KMT2C: variants seen among roughly 807,000 people sequenced by gnomAD.
KMT2C encodes histone-lysine N-methyltransferase 2C.
A neutral mutation model predicts 507.9 loss-of-function variants in KMT2C; 88 were observed. The observed-to-expected ratio is 0.17, with a 90% confidence interval of 0.15 to 0.21. The LOEUF is 0.21. Ranked by LOEUF, KMT2C falls within the 10% of genes least tolerant of loss-of-function variation. The pLI is 1.00. For missense variants in KMT2C, 4,954 were observed against 5,957.8 expected, an observed-to-expected ratio of 0.83 and a Z score of 5.55; for synonymous variants, 2,049 against 2,080.8, an observed-to-expected ratio of 0.98 and a Z score of 0.42.
At chr7:152,271,956 TG>T (rs1298515959) in intron 7 of KMT2C, among the ~76,000 whole-genome samples, 1 of 152,046 alleles carries the variant, frequency 6.6e-6, no homozygotes, top group Non-Finnish European at 1.5e-5. Flanking sequence ...TGAAAAGGTA[TG>T]GGGCCAAATT....
Position 152,182,501 on chromosome 7 carries a change from G to C in KMT2C, c.5359C>G (p.Gln1787Glu), listed in dbSNP as rs113759067. The C allele has an allele frequency of 6.2e-7, 1 of 1,613,932 alleles. No homozygotes were observed. The highest frequency in any genetic ancestry group is 8.5e-7 in the Non-Finnish European group (1 of 1,179,874). The change falls in exon 36 of 59, where the codon CAA (glutamine) becomes GAA (glutamate). Residue 1787 changes from glutamine (Q) to glutamate (E), a missense_variant. Coordinates refer to ENST00000262189, the MANE Select transcript of KMT2C (RefSeq NM_170606.3). The part of the protein sequence containing the change: ...KNEQQQQQQQ[Q>E]FGSQHLLVQS... ...ACCAGAAGATGCTGAGAACCAAATT[G>C]CTGTTGTTGCTGCTGCTGCTGCTCA...
intron 1 of KMT2C, among the ~76,000 whole-genome samples, chr7:152,371,762 T>G (rs1423864323): frequency 6.6e-6 from 1 of 151,910 alleles, no homozygotes; most frequent in Non-Finnish European, 1.5e-5. Context: ...TACAGACACA[T>G]GCCACCACAC....
intron 1 of KMT2C, among the ~76,000 whole-genome samples, chr7:152,375,054 T>C (rs2097317948): frequency 6.6e-6 from 1 of 152,230 alleles, no homozygotes; most frequent in African/African-American, 2.4e-5. Context: ...AGTTGTTTGT[T>C]TGTTTGGGGA....
chr7:152,322,462 A>C (rs771064411), intron 3 of KMT2C, among the ~76,000 whole-genome samples: 1 of 152,104 alleles, frequency 6.6e-6, no homozygotes, highest in Non-Finnish European at 1.5e-5. Flanking sequence ...CAATGGGTAA[A>C]GAACTGTCTC....
At position 152,330,633 on chromosome 7, in the gene KMT2C, G is replaced by A; in HGVS notation, c.357C>T (p.Ser119=). 6.2e-7 allele frequency: 1 copy of A among 1,614,096 alleles called. No homozygotes were observed. Among genetic ancestry groups the A allele is most frequent in the South Asian group, 1.1e-5 (1 of 91,080 alleles). Residue 119 remains serine (S), a synonymous_variant, in exon 3 of 59, where the codon TCC becomes TCT. Coordinates refer to ENST00000262189, the MANE Select transcript of KMT2C (RefSeq NM_170606.3). ...TGGCTTCTACACCAACAGAGACCAG[G>A]GAGTTTGCCGATTCCTCAGACACAG... is the stretch of plus-strand genomic sequence containing the variant. The part of the protein sequence containing the change: ...QRSVSEESAN[S]LVSVGVEAKI...
At chr7:152,292,787 T>C (rs531517442) in intron 6 of KMT2C, among the ~76,000 whole-genome samples, 10 of 152,258 alleles carry the variant, frequency 6.6e-5, no homozygotes, top group South Asian at 2.1e-4. Flanking sequence ...TGCCAGAAGC[T>C]TCTCAGCTTT....
Position 152,144,355 on chromosome 7 carries a change from C to A in KMT2C, c.14343+358G>T, listed in dbSNP as rs796259082. Among the ~76,000 whole-genome samples the A allele has an allele frequency of 3.3e-5, 5 of 152,274 alleles. No individual in the cohort carries two copies. The highest frequency in any genetic ancestry group is 1.2e-4 in the African/African-American group (5 of 41,560). Reference sequence around the variant, plus strand: ...TAAGGTAACTTCCAAAATTGGTGTACCTTTGGAAAATATTTTCATTTGTAT... The same window carrying A: ...TAAGGTAACTTCCAAAATTGGTGTAACTTTGGAAAATATTTTCATTTGTAT... On this transcript the variant is annotated intron_variant, in intron 55 of 58. Transcript: ENST00000262189. This position sits in a 1 kb window ranked among gnomAD's most constrained non-coding sequence, Gnocchi z 4.4.
chr7:152,419,473 TACAA>T (rs940214862), intron 1 of KMT2C, among the ~76,000 whole-genome samples: 31 of 152,150 alleles, frequency 2.0e-4, no homozygotes, highest in African/African-American at 7.2e-5. Context: ...TATAAAATAC[TACAA>T]ACAAATTAAA....
chr7:152,280,529 C>T (rs1441797891), intron 6 of KMT2C, among the ~76,000 whole-genome samples: 4 of 151,982 alleles, frequency 2.6e-5, no homozygotes, highest in South Asian at 4.1e-4. Context: ...CCAGCCTGGG[C>T]GGCAGATCAA....
chr7:152,305,982 G>A (rs577779921), intron 6 of KMT2C, among the ~76,000 whole-genome samples: 2 of 152,208 alleles, frequency 1.3e-5, no homozygotes, highest in African/African-American at 4.8e-5. Flanking sequence ...ATAGAGGTAG[G>A]AAATACACAT....
intron 29 of KMT2C, 52 bp downstream of exon 29, chr7:152,194,388 T>A (rs1401260353): frequency 6.4e-7 from 1 of 1,555,686 alleles, no homozygotes; most frequent in Non-Finnish European, 8.8e-7. Flanking sequence ...TCTTTAAAAA[T>A]CATATTTACT....
At chr7:152,385,610 T>A (rs2097418424) in intron 1 of KMT2C, among the ~76,000 whole-genome samples, 1 of 13,730 alleles carries the variant, frequency 7.3e-5, no homozygotes, top group Non-Finnish European at 1.2e-4. Context: ...AGACTCCGTC[T>A]CAAAAAAAAA....
rs149385379 is a variant in KMT2C at position 152,349,504 on chromosome 7, A to G, written c.250+9083T>C. Reference sequence around the variant, plus strand: ...AAGGATGTGGAGGAAACATAAATGCATATTATTAAGTGAAAGAAGCCAGTC... The same window carrying G: ...AAGGATGTGGAGGAAACATAAATGCGTATTATTAAGTGAAAGAAGCCAGTC... On this transcript the variant is annotated intron_variant, in intron 2 of 58. Transcript: ENST00000262189. 7.8e-4 allele frequency among the ~76,000 whole-genome samples: 119 copies of G among 152,260 alleles called. 1 individual carries two copies. The East Asian group carries it at 0.02, about 25-fold the overall frequency.
chr7:152,181,115 G>C lies in KMT2C; in HGVS notation c.6745C>G (p.Pro2249Ala), dbSNP rs1255058428. The C allele has an allele frequency of 6.2e-7, 1 of 1,614,198 alleles. No homozygotes were observed. Among genetic ancestry groups the C allele is most frequent in the Admixed American group, 1.7e-5 (1 of 60,028 alleles). Residue 2249 changes from proline (P) to alanine (A), a missense_variant, in exon 36 of 59, where the codon CCT becomes GCT. Physicochemically the swap from Pro to Ala is conservative, Grantham distance 27. Coordinates refer to ENST00000262189, the MANE Select transcript of KMT2C (RefSeq NM_170606.3). ...TRPVLMPNQD[P>A]FLQAAQNRGP... ...CGGTTTTGTGCTGCTTGCAGGAAAG[G>C]ATCCTGATTTGGCATGAGGACTGGT...
At chr7:152,153,823 G>A (rs1470206558) in intron 48 of KMT2C, among the ~76,000 whole-genome samples, 187 bp downstream of exon 48, 1 of 152,078 alleles carries the variant, frequency 6.6e-6, no homozygotes, top group Non-Finnish European at 1.5e-5. Context: ...GACGTAGGCT[G>A]AGACCAATTC....
At chr7:152,157,763 T>C (rs918292642) in intron 44 of KMT2C, 4 of 1,260,284 alleles carry the variant, frequency 3.2e-6, no homozygotes, top group East Asian at 5.3e-5. Flanking sequence ...AAACATACCT[T>C]GTAGATCAAC....
At chr7:152,292,486 G>C (rs2096444074) in intron 6 of KMT2C, among the ~76,000 whole-genome samples, 1 of 152,092 alleles carries the variant, frequency 6.6e-6, no homozygotes, top group African/African-American at 2.4e-5. Context: ...AATGGGTGTG[G>C]TTTTGTTCCC....
In KMT2C at chr7:152,156,342, T is replaced by C. The variant is rs2092042465; in HGVS notation, c.11675A>G (p.Asn3892Ser). The change falls in exon 45 of 59, where the codon AAT becomes AGT. Residue 3892 changes from asparagine (N) to serine (S), a missense_variant. By Grantham distance (46) the Asn-to-Ser change is conservative (BLOSUM62 1). This residue lies in a region of KMT2C where 104 missense variants were observed against 134.3 expected (regional missense o/e 0.77). Transcript: ENST00000262189. The stretch of plus-strand genomic sequence containing the variant: ...GGGTGTTGGAGGATTACTTAAATTA[T>C]TCTGCTGCAGGAGACCAAAAAATTT... ...TDTFTHLKQQ[N>S]NLSNPPTPPA... 4 of 1,613,860 alleles carry C rather than the reference T, an allele frequency of 2.5e-6. No individual in the cohort carries two copies. The highest frequency in any genetic ancestry group is 1.3e-5 in the African/African-American group (1 of 74,926).
At chr7:152,357,094 C>A (rs374380433) in intron 2 of KMT2C, among the ~76,000 whole-genome samples, 7 of 151,138 alleles carry the variant, frequency 4.6e-5, no homozygotes, top group African/African-American at 1.5e-4. Flanking sequence ...GGCATGGTGG[C>A]GCATGTCTAT....
Sources: gnomAD v4.1 joint callset for allele counts (sites outside exome capture counted in the v4.1 genomes callset) on GRCh38, gnomAD v4.1.1 for gene constraint, gnomAD v4.1.1 regional missense constraint, Gnocchi (gnomAD v3.1) non-coding constraint, MANE v1.5 for transcripts, NCBI Gene and HGNC (gene_info 2026-07-23, HGNC 2026-07-21) for gene names.